Variants in AGBL3 observed in about 807,000 individuals in gnomAD.
AGBL3 encodes the protein cytosolic carboxypeptidase 3.
In AGBL3, 68 loss-of-function variants were observed where a neutral mutation model predicts 94.5. That is an observed-to-expected ratio of 0.72 (90% CI 0.59 to 0.88). The LOEUF (loss-of-function observed/expected upper bound fraction) is 0.88. Among genes scored for constraint, AGBL3 ranks in the 40% least tolerant of loss-of-function variants. AGBL3 has a pLI of 0.00. For missense variants in AGBL3, 934 were observed against 1,103.8 expected (o/e 0.85, Z 2.18); for synonymous variants, 354 against 370.7 (o/e 0.95, Z 0.52).
chr7:135,131,623 T>A (rs1056980453), intron 16 of AGBL3, among the ~76,000 whole-genome samples: 1 of 151,730 alleles, frequency 6.6e-6, no homozygotes, highest in African/African-American at 2.4e-5. Flanking sequence ...AAATCAATAA[T>A]CTAAGCTCCC....
rs539713195 is a variant in AGBL3 at position 135,095,209 on chromosome 7, C to T, written c.2110+13419C>T. On this transcript the variant is annotated intron_variant, in intron 15 of 16. Transcript: ENST00000436302. ...TTGGAGGAAGAAAAGCTAAGAAACACTTATTAAGGTCATAGCCCAGGAACA... is the reference window on the plus strand; with the variant it reads ...TTGGAGGAAGAAAAGCTAAGAAACATTTATTAAGGTCATAGCCCAGGAACA... 1.8e-4 allele frequency among the ~76,000 whole-genome samples: 28 copies of T among 152,258 alleles called. No homozygotes were observed. In the South Asian group the frequency reaches 4.4e-3, roughly 24 times the overall value.
Position 135,045,945 on chromosome 7 carries a change from T to C in AGBL3, c.1841+34T>C, listed in dbSNP as rs748453082. On this transcript the variant is annotated intron_variant, in intron 11 of 16. Transcript: ENST00000436302. Reference sequence around the variant, plus strand: ...AGGCTGCTGAAGTAATGCAATTTGTTGTGCTGTTTTACTATGTTCTTTATA... The same window carrying C: ...AGGCTGCTGAAGTAATGCAATTTGTCGTGCTGTTTTACTATGTTCTTTATA... 3.0e-6 allele frequency: 4 copies of C among 1,323,804 alleles called. No individual in the cohort carries two copies. The South Asian group carries it at 5.3e-5, about 17-fold the overall frequency. The allele number at this position is 1,323,804 out of a possible 1,614,324, so 82.0% of individuals were successfully genotyped here. A position where few individuals can be genotyped will look rare whatever the true frequency, so the allele number is the denominator to read the frequency against.
At chr7:134,998,077 A>T (rs1811227654) in intron 4 of AGBL3, among the ~76,000 whole-genome samples, 1 of 152,224 alleles carries the variant, frequency 6.6e-6, no homozygotes, top group Admixed American at 6.5e-5. Flanking sequence ...CATATGACTG[A>T]CTTACCTAAG....
intron 12 of AGBL3, among the ~76,000 whole-genome samples, chr7:135,075,878 C>T (rs562716774): frequency 6.6e-6 from 1 of 152,168 alleles, no homozygotes; most frequent in African/African-American, 2.4e-5. Context: ...CCCTGCTTAG[C>T]CTTCACTGAC....
chr7:135,113,537 G>C (rs12707214), intron 15 of AGBL3, among the ~76,000 whole-genome samples: 67,217 of 152,024 alleles, frequency 0.44, 15,514 homozygotes, highest in East Asian at 0.78. Flanking sequence ...CTCTTATGCT[G>C]TCTACGGACC....
intron 16 of AGBL3, among the ~76,000 whole-genome samples, chr7:135,125,110 C>G (rs2881868): frequency 0.49 from 73,664 of 151,682 alleles, 18,242 homozygotes; most frequent in South Asian, 0.66. Context: ...CTGACTCCAG[C>G]AGCTGTTTTT....
chr7:135,102,625 G>GTTT (rs57957640), intron 15 of AGBL3, among the ~76,000 whole-genome samples: 2 of 145,100 alleles, frequency 1.4e-5, no homozygotes, highest in African/African-American at 2.5e-5. Flanking sequence ...TTCTCTTGTG[G>GTTT]TTTTTTTTTT....
chr7:135,057,366 A>T (rs1447770034), intron 11 of AGBL3, among the ~76,000 whole-genome samples: 5 of 152,154 alleles, frequency 3.3e-5, no homozygotes, highest in African/African-American at 1.2e-4. Context: ...GATATGACAA[A>T]ATCATGATCC....
At chr7:135,076,041 C>A (rs560507354) in intron 12 of AGBL3, among the ~76,000 whole-genome samples, 2 of 152,228 alleles carry the variant, frequency 1.3e-5, no homozygotes, top group Admixed American at 1.3e-4. Flanking sequence ...TTCTCCTGGT[C>A]CTTGGGCTAG....
At chr7:135,086,393 C>T (rs1188539723) in intron 15 of AGBL3, among the ~76,000 whole-genome samples, 2 of 151,856 alleles carry the variant, frequency 1.3e-5, no homozygotes, top group Non-Finnish European at 2.9e-5. Context: ...TATCTTGTCC[C>T]ACATCTTAGG....
chr7:135,106,225 A>G (rs879744974), intron 15 of AGBL3, among the ~76,000 whole-genome samples: 7 of 152,124 alleles, frequency 4.6e-5, no homozygotes, highest in Non-Finnish European at 8.8e-5. Flanking sequence ...TTATTTCTTT[A>G]TCTTGGCTGA....
intron 12 of AGBL3, among the ~76,000 whole-genome samples, chr7:135,060,839 A>C (rs1006880366): frequency 2.2e-4 from 34 of 152,166 alleles, no homozygotes; most frequent in Admixed American, 1.9e-3. Flanking sequence ...GGCTATTGTG[A>C]ATAGTGCTGC....
intron 4 of AGBL3, among the ~76,000 whole-genome samples, chr7:135,000,854 C>T (rs900086250): frequency 1.3e-5 from 2 of 152,194 alleles, no homozygotes. Context: ...ATCTCTGGCC[C>T]ATACAGGGCT....
At chr7:135,033,036 G>T in intron 6 of AGBL3, 54 bp downstream of exon 6, 1 of 1,444,504 alleles carries the variant, frequency 6.9e-7, no homozygotes, top group Non-Finnish European at 9.2e-7. Context: ...ATTATTTTCT[G>T]TATCAAGTAC....
At chr7:135,082,063 A>T (rs1484429348) in intron 15 of AGBL3, among the ~76,000 whole-genome samples, 1 of 152,142 alleles carries the variant, frequency 6.6e-6, no homozygotes, top group Non-Finnish European at 1.5e-5. Flanking sequence ...GGCTCATCCA[A>T]CCTCTGGTTG....
At chr7:135,031,907 A>C (rs1253133448) in intron 5 of AGBL3, among the ~76,000 whole-genome samples, 2 of 152,146 alleles carry the variant, frequency 1.3e-5, no homozygotes, top group African/African-American at 4.8e-5. Context: ...TGGGTAGCCA[A>C]ACCCTCATCC....
chr7:135,088,098 C>T (rs1472828010), intron 15 of AGBL3, among the ~76,000 whole-genome samples: 1 of 151,948 alleles, frequency 6.6e-6, no homozygotes, highest in Non-Finnish European at 1.5e-5. Context: ...CAGTTTTTGA[C>T]TTAAAGTCTG....
chr7:135,004,422 G>A (rs984053955), intron 4 of AGBL3, among the ~76,000 whole-genome samples: 1 of 151,538 alleles, frequency 6.6e-6, no homozygotes, highest in Non-Finnish European at 1.5e-5. Context: ...TCAGGTTTTG[G>A]TATAAACGTT....
intron 16 of AGBL3, chr7:135,129,227 G>A (rs1828381857): frequency 1.4e-6 from 2 of 1,465,614 alleles, no homozygotes; most frequent in Non-Finnish European, 1.9e-6. Context: ...CTGTGATGCA[G>A]GAGCCTGGCT....
Sources: allele counts gnomAD v4.1 joint callset (sites outside exome capture counted in the v4.1 genomes callset), GRCh38; gene constraint gnomAD v4.1.1; transcripts MANE v1.5; gene names NCBI Gene and HGNC (gene_info 2026-07-23, HGNC 2026-07-21).